MAST4: variants seen among roughly 807,000 people sequenced by gnomAD.
MAST4 encodes microtubule-associated serine/threonine-protein kinase 4.
Under a neutral mutation model 162.7 loss-of-function variants are expected in MAST4, and 89 were observed. The observed-to-expected ratio is 0.55, with a 90% CI of 0.46 to 0.65. MAST4 has a LOEUF of 0.65. Among genes scored for constraint, MAST4 ranks in the 30% least tolerant of loss-of-function variants. MAST4 has a pLI of 0.00. For synonymous variants in MAST4, 1,479 were observed against 1,361.1 expected (o/e 1.09, Z -1.91); for missense variants, 3,153 against 3,374.0 (o/e 0.93, Z 1.62).
chr5:66,911,831 C>T (rs1763798829), intron 4 of MAST4, among the ~76,000 whole-genome samples: 1 of 152,036 alleles, frequency 6.6e-6, no homozygotes, highest in African/African-American at 2.4e-5. Flanking sequence ...GTGAAGATGT[C>T]CTTTATCAGA....
chr5:67,115,167 C>T (rs1041881784), intron 12 of MAST4: 3 of 151,698 alleles, frequency 2.0e-5, no homozygotes, highest in Non-Finnish European at 4.4e-5. Flanking sequence ...TATTGGTAAA[C>T]CACTCCCCCT....
At chr5:67,077,203 C>G (rs767570718) in intron 5 of MAST4, among the ~76,000 whole-genome samples, 31 of 150,226 alleles carry the variant, frequency 2.1e-4, no homozygotes, top group Admixed American at 2.0e-3. Context: ...TTTTTTTTTT[C>G]CAGCAGAATC....
At chr5:66,810,673 C>T (rs1317562502) in intron 3 of MAST4, among the ~76,000 whole-genome samples, 1 of 152,158 alleles carries the variant, frequency 6.6e-6, no homozygotes, top group Non-Finnish European at 1.5e-5. Flanking sequence ...GGGCTGCCTG[C>T]CTTCTTCTCC....
chr5:67,004,811 A>C (rs1751770988), intron 4 of MAST4: 2 of 576,000 alleles, frequency 3.5e-6, no homozygotes, highest in Admixed American at 5.9e-5. Context: ...CGGGACGGGT[A>C]CTTCTCAGAC....
intron 4 of MAST4, among the ~76,000 whole-genome samples, chr5:66,957,748 T>A (rs1234767200): frequency 6.6e-6 from 1 of 152,076 alleles, no homozygotes; most frequent in African/African-American, 2.4e-5. Context: ...CTTTGTGGAG[T>A]TAGAAACAGG....
intron 2 of MAST4, among the ~76,000 whole-genome samples, chr5:66,786,894 G>GA (rs1755143038): frequency 1.3e-5 from 2 of 152,104 alleles, no homozygotes; most frequent in East Asian, 1.9e-4. Flanking sequence ...TATTTGCTTG[G>GA]AAAAAATCAA....
chr5:66,847,753 G>A (rs192443212), intron 3 of MAST4, among the ~76,000 whole-genome samples: 4 of 140,188 alleles, frequency 2.9e-5, no homozygotes, highest in Admixed American at 7.4e-5. Context: ...CTAGGGAGGC[G>A]GAAGTTGCAG....
chr5:66,611,097 T>C (rs1446880581), intron 1 of MAST4, among the ~76,000 whole-genome samples: 1 of 152,126 alleles, frequency 6.6e-6, no homozygotes, highest in African/African-American at 2.4e-5. Context: ...GTCCATAACA[T>C]TTTTTTTCTT....
intron 12 of MAST4, 43 bp from the exon 13 acceptor site, chr5:67,118,639 G>A (rs1487053977): frequency 1.7e-6 from 2 of 1,184,562 alleles, no homozygotes; most frequent in Non-Finnish European, 2.4e-6. Flanking sequence ...TTATCCAATT[G>A]CAATATTTTT....
chr5:66,902,782 G>T, intron 4 of MAST4: 2 of 436,344 alleles, frequency 4.6e-6, no homozygotes, highest in Non-Finnish European at 9.3e-6. Flanking sequence ...TTCCTAGACA[G>T]CTGGATTTTA....
At chr5:66,817,170 A>G (rs1429093847) in intron 3 of MAST4, among the ~76,000 whole-genome samples, 4 of 152,154 alleles carry the variant, frequency 2.6e-5, no homozygotes, top group Admixed American at 6.5e-5. Context: ...TCCTCTGTCT[A>G]TTCTTAACAT....
intron 1 of MAST4, among the ~76,000 whole-genome samples, chr5:66,661,401 C>T (rs557311502): frequency 6.6e-6 from 1 of 152,284 alleles, no homozygotes; most frequent in Admixed American, 6.5e-5. Context: ...GCTAAAAGCC[C>T]GTCTGGCCAC....
intron 4 of MAST4, among the ~76,000 whole-genome samples, chr5:66,934,214 CTTTAT>C (rs541639193): frequency 0.047 from 7,045 of 150,092 alleles, 485 homozygotes; most frequent in African/African-American, 0.16. Flanking sequence ...CAGAGGCTTC[CTTTAT>C]TTTATTTTAT....
At chr5:67,014,095 AT>A (rs11389039) in intron 4 of MAST4, among the ~76,000 whole-genome samples, 133 of 147,358 alleles carry the variant, frequency 9.0e-4, no homozygotes, top group Non-Finnish European at 9.8e-4. Context: ...GCTATGTCAG[AT>A]TTTTTTTTTT....
chr5:67,011,544 G>T (rs1413142119), intron 4 of MAST4, among the ~76,000 whole-genome samples: 1 of 152,120 alleles, frequency 6.6e-6, no homozygotes, highest in Non-Finnish European at 1.5e-5. Flanking sequence ...CAGTAACCTG[G>T]GCTGCCCTTG....
At chr5:66,924,466 T>C (rs575109488) in intron 4 of MAST4, among the ~76,000 whole-genome samples, 2 of 151,836 alleles carry the variant, frequency 1.3e-5, no homozygotes, top group South Asian at 4.2e-4. Context: ...CGATCTCGGC[T>C]CGCTGCAAGC....
At chr5:66,842,881 T>TA (rs1299813502) in intron 3 of MAST4, among the ~76,000 whole-genome samples, 1 of 152,196 alleles carries the variant, frequency 6.6e-6, no homozygotes, top group East Asian at 1.9e-4. Context: ...TCATGTGCCT[T>TA]ATATTTAGGT....
intron 12 of MAST4, among the ~76,000 whole-genome samples, chr5:67,117,254 T>C (rs1767027616): frequency 1.3e-5 from 2 of 152,208 alleles, no homozygotes; most frequent in African/African-American, 4.8e-5. Flanking sequence ...TCATATTGGA[T>C]ATTGACATCA....
At position 67,165,327 on chromosome 5, in the gene MAST4, G is replaced by A. The variant is rs1433675845; in HGVS notation, c.6148G>A (p.Glu2050Lys). ...AACGAACCACAAAGATGGCCCAGGT[G>A]AGGCGAGGCCCCCGCCCAGAGACAA... ...GKTNHKDGPG[E>K]ARPPPRDNSS... is the part of the protein sequence containing the mutation. Residue 2050 changes from glutamate to lysine, a missense_variant, in exon 29 of 29, where the codon GAG becomes AAG. Physicochemically the swap from Glu to Lys is moderately conservative, Grantham distance 56 (BLOSUM62 1). This residue lies in a region of MAST4 where 1,644 missense variants were observed against 1,495.0 expected (regional missense o/e 1.10). Transcript: ENST00000403625. 6.2e-7 allele frequency: 1 copy of A among 1,613,692 alleles called. No individual in the cohort carries two copies. The highest frequency in any genetic ancestry group is 1.1e-5 in the South Asian group (1 of 91,088).
Sources: allele counts gnomAD v4.1 joint callset (sites outside exome capture counted in the v4.1 genomes callset), GRCh38; gene constraint gnomAD v4.1.1; regional missense constraint gnomAD v4.1.1; transcripts MANE v1.5; gene names NCBI Gene and HGNC (gene_info 2026-07-23, HGNC 2026-07-21).